Variants in MYH14 observed in about 807,000 individuals in gnomAD.
MYH14 encodes myosin-14.
MYH14 carries 123 observed loss-of-function variants against 255.5 expected under a neutral mutation model. The ratio of observed to expected loss-of-function variants is 0.48; its 90% CI spans 0.42 to 0.56. The LOEUF (loss-of-function observed/expected upper bound fraction) is 0.56. MYH14 is among the 20% of genes least tolerant of loss of function. The pLI is 0.00. For missense variants in MYH14, 2,423 were observed against 2,802.3 expected (o/e 0.86, Z 3.06); for synonymous variants, 1,095 against 1,161.2 (o/e 0.94, Z 1.16).
chr19:50,276,039 G>A lies in MYH14; in HGVS notation c.3516G>A (p.Arg1172=). 1 of 1,612,842 alleles carries A rather than the reference G, an allele frequency of 6.2e-7. No homozygotes were observed. Among genetic ancestry groups the A allele is most frequent in the Non-Finnish European group, 8.5e-7 (1 of 1,179,688 alleles). The part of the protein sequence containing the change: ...GARAQLLKSL[R]EAQAALAEAQ... ...GGGCCCAGCTGCTGAAATCCCTGCG[G>A]GAGGCTCAAGCAGCCCTGGCCGAGG... The change falls in exon 28 of 43, where the codon CGG becomes CGA. Residue 1172 remains arginine, a synonymous_variant. Coordinates refer to ENST00000642316, the MANE Select transcript of MYH14 (RefSeq NM_001145809.2). The surrounding 1 kb of genome is among the most constrained non-coding windows in gnomAD (Gnocchi z 4.3).
At chr19:50,306,408 C>T (rs1291148649) in intron 40 of MYH14, among the ~76,000 whole-genome samples, 1 of 152,156 alleles carries the variant, frequency 6.6e-6, no homozygotes, top group Non-Finnish European at 1.5e-5. Flanking sequence ...CAAGCAATCC[C>T]GATTGCTAGA....
intron 10 of MYH14, among the ~76,000 whole-genome samples, chr19:50,233,186 T>C (rs959924915): frequency 1.8e-4 from 28 of 151,930 alleles, no homozygotes; most frequent in African/African-American, 6.0e-4. Flanking sequence ...TTTTTTTCTT[T>C]TGAGAGGGAG....
chr19:50,225,484 A>G (rs928165854), intron 6 of MYH14, 101 bp from the exon 7 acceptor site: 40 of 856,372 alleles, frequency 4.7e-5, no homozygotes, highest in Non-Finnish European at 6.7e-5. Context: ...GGCCCCTCAC[A>G]CACAGATACT....
At position 50,249,722 on chromosome 19, in the gene MYH14, T is replaced by G; in HGVS notation, c.1555T>G (p.Phe519Val). The change falls in exon 14 of 43, where the codon TTC becomes GTC. Residue 519 changes from phenylalanine to valine, a missense_variant. Coordinates refer to ENST00000642316, the MANE Select transcript of MYH14 (RefSeq NM_001145809.2). ...KLQQLFNHTM[F>V]VLEQEEYQRE... ...GCAGCAGCTCTTCAACCACACCATG[T>G]TCGTGCTGGAGCAGGAGGAGTACCA... 1 of 1,614,130 alleles carries G rather than the reference T, an allele frequency of 6.2e-7. No individual in the cohort carries two copies. Among genetic ancestry groups the G allele is most frequent in the Non-Finnish European group, 8.5e-7 (1 of 1,180,016 alleles).
intron 2 of MYH14, among the ~76,000 whole-genome samples, chr19:50,214,682 C>T (rs893155124): frequency 2.6e-5 from 4 of 152,146 alleles, no homozygotes; most frequent in African/African-American, 9.7e-5. Context: ...CACTGGATGG[C>T]TTCAAAGTCT....
Position 50,281,678 on chromosome 19 carries a change from G to A in MYH14, c.4375G>A (p.Ala1459Thr). The change falls in exon 33 of 43, where the codon GCC (alanine) becomes ACC (threonine). Residue 1459 changes from alanine to threonine, a missense_variant. Coordinates refer to ENST00000642316, the MANE Select transcript of MYH14 (RefSeq NM_001145809.2). ...EEARRRAARE[A>T]EALTQRLAEK... ...GGCACGGCGCCGGGCAGCCCGGGAG[G>A]CCGAGGCCCTGACCCAGCGCCTGGC... is the stretch of plus-strand genomic sequence containing the variant. 6.2e-7 allele frequency: 1 copy of A among 1,611,070 alleles called. No homozygotes were observed. Among genetic ancestry groups the A allele is most frequent in the Non-Finnish European group, 8.5e-7 (1 of 1,179,204 alleles).
intron 10 of MYH14, 145 bp downstream of exon 10, chr19:50,232,215 C>A: frequency 2.0e-6 from 2 of 1,006,810 alleles, no homozygotes; most frequent in Non-Finnish European, 2.9e-6. Context: ...GGGAATGAGG[C>A]TCACAGACAT....
chr19:50,246,909 T>A (rs2034150837), intron 11 of MYH14, 95 bp from the exon 12 acceptor site: 2 of 822,776 alleles, frequency 2.4e-6, no homozygotes, highest in Admixed American at 4.4e-5. Context: ...CGTCTTCTGC[T>A]CCCCCAACAG....
chr19:50,249,858 G>T, intron 14 of MYH14, 35 bp downstream of exon 14: 1 of 1,611,062 alleles, frequency 6.2e-7, no homozygotes. Context: ...CACACTCACG[G>T]TTCAGATCCG....
At chr19:50,307,889 A>G (rs2036707585) in intron 41 of MYH14, among the ~76,000 whole-genome samples, 1 of 152,150 alleles carries the variant, frequency 6.6e-6, no homozygotes, top group Non-Finnish European at 1.5e-5. Context: ...CATTCCACAA[A>G]CAATTATTGA....
intron 33 of MYH14, among the ~76,000 whole-genome samples, chr19:50,283,216 T>C (rs1034011917): frequency 8.6e-5 from 13 of 151,804 alleles, no homozygotes; most frequent in African/African-American, 3.1e-4. Context: ...ACCTCTCAGG[T>C]TCAAGCGATT....
rs970045918 is a variant in MYH14, at chr19:50,252,251, T to C, written c.1831-388T>C. On this transcript the variant is annotated intron_variant, in intron 15 of 42. Transcript: ENST00000642316. This position sits in a 1 kb window ranked among gnomAD's most constrained non-coding sequence, Gnocchi z 4.2. ...TCTATGGAGCCCCACAGCAAAGCCCTGAGTACCCAGAAGGAGCCAGTGGTG... is the reference window on the plus strand; with the variant it reads ...TCTATGGAGCCCCACAGCAAAGCCCCGAGTACCCAGAAGGAGCCAGTGGTG... 6.6e-6 allele frequency among the ~76,000 whole-genome samples: 1 copy of C among 152,090 alleles called. No individual in the cohort carries two copies. The highest frequency in any genetic ancestry group is 1.5e-5 in the Non-Finnish European group (1 of 68,016).
At chr19:50,289,322 G>A in intron 34 of MYH14, 114 bp from the exon 35 acceptor site, 2 of 823,944 alleles carry the variant, frequency 2.4e-6, no homozygotes, top group Middle Eastern at 3.2e-4. Flanking sequence ...ACTAGGATGG[G>A]CACACTGACT....
At chr19:50,224,871 G>A (rs1273931347) in intron 6 of MYH14, 1 of 456,258 alleles carries the variant, frequency 2.2e-6, no homozygotes, top group Non-Finnish European at 4.4e-6. Flanking sequence ...TTGGAAGGCT[G>A]AAGTGGGAGG....
At chr19:50,302,809 G>A (rs1297119183) in intron 40 of MYH14, among the ~76,000 whole-genome samples, 2 of 152,084 alleles carry the variant, frequency 1.3e-5, no homozygotes, top group Non-Finnish European at 2.9e-5. Context: ...GGCTGAGGCA[G>A]GAGAATCGCT....
intron 10 of MYH14, among the ~76,000 whole-genome samples, chr19:50,240,390 G>T (rs912177152): frequency 1.3e-5 from 2 of 152,060 alleles, no homozygotes; most frequent in African/African-American, 4.8e-5. Flanking sequence ...ACCAACTTGG[G>T]CAACATGCCA....
intron 20 of MYH14, 61 bp downstream of exon 20, chr19:50,260,776 C>CGTGCATGTGTGTGT: frequency 1.6e-6 from 2 of 1,270,430 alleles, no homozygotes; most frequent in Non-Finnish European, 2.2e-6. Context: ...CATGAGTGTG[C>CGTGCATGTGTGTGT]GTGCATGTGT....
At chr19:50,277,858 A>G (rs1280937207) in intron 29 of MYH14, among the ~76,000 whole-genome samples, 1 of 152,024 alleles carries the variant, frequency 6.6e-6, no homozygotes, top group African/African-American at 2.4e-5. Flanking sequence ...CGGAGGTTGC[A>G]GTGAGCAGAG....
In MYH14 at chr19:50,309,185, C is replaced by T. The variant is rs373176553; in HGVS notation, c.5960+8C>T. On this transcript the variant is annotated splice_region_variant and intron_variant, in intron 42 of 42. Coordinates refer to ENST00000642316, the MANE Select transcript of MYH14 (RefSeq NM_001145809.2). ...ACTGAGGAACCGGCTTCGGTATGGT[C>T]ATCCCACGTACAGGCCTGACGGGTG... 70 of 1,613,450 alleles carry T rather than the reference C, an allele frequency of 4.3e-5. No individual in the cohort carries two copies. The African/African-American group carries it at 8.8e-4, about 20-fold the overall frequency.
Sources: gnomAD v4.1 joint callset for allele counts (sites outside exome capture counted in the v4.1 genomes callset) on GRCh38, gnomAD v4.1.1 for gene constraint, Gnocchi (gnomAD v3.1) non-coding constraint, MANE v1.5 for transcripts, NCBI Gene and HGNC (gene_info 2026-07-23, HGNC 2026-07-21) for gene names.